MDFIC2: variants seen among roughly 807,000 people sequenced by gnomAD.
MDFIC2 encodes MyoD family inhibitor domain containing 2.
At chr3:70,294,860 C>G (rs1702274771) in intron 2 of MDFIC2, among the ~76,000 whole-genome samples, 1 of 152,016 alleles carries the variant, frequency 6.6e-6, no homozygotes, top group African/African-American at 2.4e-5. Flanking sequence ...TTGATGGTAT[C>G]CAAAATAGGA....
rs114201121 is a variant in MDFIC2 at position 70,229,626 on chromosome 3, T to C, written c.89-22836A>G. Among the ~76,000 whole-genome samples, 1,068 of 152,310 alleles carry C rather than the reference T, an allele frequency of 7.0e-3. 9 individuals carry two copies. Among genetic ancestry groups the C allele is most frequent in the African/African-American group, 0.023 (963 of 41,554 alleles). ...ATATATCACATGATTCTTCACGTTT[T>C]ATTCTCTACTTATTGGCCAGCTGAA... On this transcript the variant is annotated intron_variant, in intron 2 of 3. Transcript: ENST00000567252.
At chr3:70,198,038 T>C (rs756888444) in intron 3 of MDFIC2, among the ~76,000 whole-genome samples, 1 of 152,210 alleles carries the variant, frequency 6.6e-6, no homozygotes, top group Admixed American at 6.5e-5. Flanking sequence ...GATGTAGCAG[T>C]TCTCTTGTTA....
At chr3:70,285,900 G>C (rs1702157347) in intron 2 of MDFIC2, among the ~76,000 whole-genome samples, 1 of 151,308 alleles carries the variant, frequency 6.6e-6, no homozygotes. Flanking sequence ...CTTTTTGATG[G>C]GGTTGTTTGT....
At chr3:70,290,983 C>T (rs1056143415) in intron 2 of MDFIC2, among the ~76,000 whole-genome samples, 83 of 152,152 alleles carry the variant, frequency 5.5e-4, no homozygotes, top group African/African-American at 1.9e-3. Context: ...GAGATGAACC[C>T]GGTACCTCAG....
At position 70,305,919 on chromosome 3, in the gene MDFIC2, T is replaced by G. The variant is rs573423798; in HGVS notation, c.88+5967A>C. On this transcript the variant is annotated intron_variant, in intron 2 of 3. Transcript: ENST00000567252. Reference sequence around the variant, plus strand: ...AAAAGGGAATTTTTGGAACCTGGATTTTTTTGGACCTCTAGGCTCTTTTCT... The same window carrying G: ...AAAAGGGAATTTTTGGAACCTGGATGTTTTTGGACCTCTAGGCTCTTTTCT... 2.0e-5 allele frequency among the ~76,000 whole-genome samples: 3 copies of G among 152,292 alleles called. No individual in the cohort carries two copies. In the East Asian group the frequency reaches 5.8e-4, roughly 29 times the overall value.
intron 2 of MDFIC2, among the ~76,000 whole-genome samples, chr3:70,211,120 T>C (rs1701340601): frequency 6.6e-6 from 1 of 152,144 alleles, no homozygotes; most frequent in Admixed American, 6.6e-5. Context: ...GATGAATAAG[T>C]ACTAGGTCCT....
chr3:70,214,704 T>A (rs758580419), intron 2 of MDFIC2, among the ~76,000 whole-genome samples: 1 of 151,978 alleles, frequency 6.6e-6, no homozygotes, highest in Non-Finnish European at 1.5e-5. Flanking sequence ...CTAAGTGATG[T>A]ACTTTTATAG....
intron 2 of MDFIC2, among the ~76,000 whole-genome samples, chr3:70,277,795 A>G (rs1702041659): frequency 6.6e-6 from 1 of 152,060 alleles, no homozygotes; most frequent in Admixed American, 6.6e-5. Context: ...GTGTGTGCCC[A>G]TTTTTTATAC....
intron 2 of MDFIC2, among the ~76,000 whole-genome samples, chr3:70,245,631 T>A (rs891963186): frequency 1.0e-4 from 14 of 134,616 alleles, no homozygotes; most frequent in South Asian, 2.3e-4. Context: ...TACAAAGAAA[T>A]CAGAATATGG....
intron 2 of MDFIC2, among the ~76,000 whole-genome samples, chr3:70,302,343 A>C (rs1702357430): frequency 1.3e-5 from 2 of 152,046 alleles, no homozygotes; most frequent in Non-Finnish European, 2.9e-5. Flanking sequence ...TGCAGTTCCT[A>C]AGCTGAAAGA....
chr3:70,294,838 T>C (rs1480690606), intron 2 of MDFIC2, among the ~76,000 whole-genome samples: 1 of 152,146 alleles, frequency 6.6e-6, no homozygotes, highest in Non-Finnish European at 1.5e-5. Flanking sequence ...GTTTCAAGCA[T>C]CACGTAGCAA....
rs573533376 is a variant in MDFIC2 at position 70,303,945 on chromosome 3, G to A, written c.88+7941C>T. ...TGATCCATCCTCCTCAGCTTCTCAA[G>A]GTGCTGGAATTACAGGCATGAGCCA... On this transcript the variant is annotated intron_variant, in intron 2 of 3. Transcript: ENST00000567252. 8.5e-5 allele frequency among the ~76,000 whole-genome samples: 13 copies of A among 152,238 alleles called. No individual in the cohort carries two copies. The East Asian group carries it at 2.5e-3, about 29-fold the overall frequency.
rs187320202 is a variant in MDFIC2 at position 70,196,606 on chromosome 3, T to C, written c.*320A>G. Among the ~76,000 whole-genome samples the C allele has an allele frequency of 7.9e-5, 12 of 152,280 alleles. No homozygotes were observed. The highest frequency in any genetic ancestry group is 3.4e-3 in the Middle Eastern group (1 of 294). On this transcript the variant is annotated 3_prime_UTR_variant, in exon 4 of 4. Transcript: ENST00000567252. ...TGAATCCATAATGCAAGCTGATGAGTGCAATAACGCAGTGGCTTAACATGC... is the reference window on the plus strand; with the variant it reads ...TGAATCCATAATGCAAGCTGATGAGCGCAATAACGCAGTGGCTTAACATGC...
At chr3:70,291,679 C>T (rs1702241057) in intron 2 of MDFIC2, among the ~76,000 whole-genome samples, 2 of 152,232 alleles carry the variant, frequency 1.3e-5, no homozygotes, top group Non-Finnish European at 2.9e-5. Flanking sequence ...AGCTTTTTCC[C>T]ACTCAGAATC....
intron 2 of MDFIC2, among the ~76,000 whole-genome samples, chr3:70,253,400 G>A (rs1335885860): frequency 1.3e-5 from 2 of 152,184 alleles, no homozygotes; most frequent in Non-Finnish European, 2.9e-5. Context: ...AGTGGATGAA[G>A]AGTTGTAGAA....
At chr3:70,285,114 A>G (rs1575615434) in intron 2 of MDFIC2, among the ~76,000 whole-genome samples, 1 of 150,776 alleles carries the variant, frequency 6.6e-6, no homozygotes, top group African/African-American at 2.4e-5. Flanking sequence ...TGTGCAGGTT[A>G]GTTACATATG....
At chr3:70,278,608 T>A (rs775254680) in intron 2 of MDFIC2, among the ~76,000 whole-genome samples, 1 of 152,192 alleles carries the variant, frequency 6.6e-6, no homozygotes, top group Non-Finnish European at 1.5e-5. Context: ...AATGCCTTTA[T>A]TGACTACTTG....
chr3:70,245,240 A>G (rs1278492094), intron 2 of MDFIC2, among the ~76,000 whole-genome samples: 1 of 152,132 alleles, frequency 6.6e-6, no homozygotes, highest in African/African-American at 2.4e-5. Context: ...AATTATTTCA[A>G]AAGAAGATGA....
chr3:70,296,746 G>C (rs985046918), intron 2 of MDFIC2, among the ~76,000 whole-genome samples: 3 of 151,960 alleles, frequency 2.0e-5, no homozygotes, highest in African/African-American at 7.2e-5. Flanking sequence ...TTTAACTCCT[G>C]CTTGGGCTAC....
Sources: allele counts gnomAD v4.1 joint callset (sites outside exome capture counted in the v4.1 genomes callset), GRCh38; gene constraint gnomAD v4.1.1; transcripts MANE v1.5; gene names NCBI Gene and HGNC (gene_info 2026-07-23, HGNC 2026-07-21).